Variants in NCKAP5 observed in about 807,000 individuals in gnomAD.
NCKAP5 encodes the protein nck-associated protein 5.
A neutral mutation model predicts 167.0 loss-of-function variants in NCKAP5; 92 were observed. The ratio of observed to expected loss-of-function variants is 0.55; its 90% CI spans 0.47 to 0.66. NCKAP5 has a LOEUF of 0.66. Ranked by LOEUF, NCKAP5 falls within the 30% of genes least tolerant of loss-of-function variation. The pLI, the probability that NCKAP5 is intolerant of heterozygous loss-of-function variation, is 0.00. For missense variants in NCKAP5, 2,378 were observed against 2,315.0 expected (o/e 1.03, Z -0.56); for synonymous variants, 891 against 877.4 (o/e 1.02, Z -0.27).
intron 2 of NCKAP5, among the ~76,000 whole-genome samples, chr2:133,530,838 G>C (rs985050112): frequency 2.6e-5 from 4 of 152,148 alleles, no homozygotes; most frequent in African/African-American, 9.7e-5. Context: ...GCCCACAAGA[G>C]GGTGACAGCC....
At chr2:132,971,005 T>A (rs1364465590) in intron 7 of NCKAP5, among the ~76,000 whole-genome samples, 1 of 152,226 alleles carries the variant, frequency 6.6e-6, no homozygotes, top group Non-Finnish European at 1.5e-5. Flanking sequence ...TTGTAATTCA[T>A]TAATCAAGCT....
At chr2:133,554,168 G>A (rs1687576417) in intron 2 of NCKAP5, 1 of 152,192 alleles carries the variant, frequency 6.6e-6, no homozygotes, top group Non-Finnish European at 1.5e-5. Flanking sequence ...GAGCTTGCCT[G>A]ATGAGGTCAG....
chr2:133,496,387 A>G (rs765963397), intron 3 of NCKAP5, among the ~76,000 whole-genome samples: 2 of 152,066 alleles, frequency 1.3e-5, no homozygotes, highest in Non-Finnish European at 2.9e-5. Context: ...CCTTCAGCTC[A>G]TGTTCATCTC....
intron 3 of NCKAP5, among the ~76,000 whole-genome samples, chr2:133,383,370 C>T (rs1042711661): frequency 6.6e-6 from 1 of 152,154 alleles, no homozygotes; most frequent in African/African-American, 2.4e-5. Flanking sequence ...CCAGCTTCAT[C>T]CATGTCCCTA....
At chr2:133,504,873 G>A (rs765464732) in intron 3 of NCKAP5, among the ~76,000 whole-genome samples, 13 of 151,972 alleles carry the variant, frequency 8.6e-5, no homozygotes, top group Non-Finnish European at 1.9e-4. Flanking sequence ...TCCCCCTATC[G>A]GAGCAAAGGC....
At chr2:133,219,489 C>T (rs573609966) in intron 4 of NCKAP5, among the ~76,000 whole-genome samples, 2 of 152,322 alleles carry the variant, frequency 1.3e-5, no homozygotes, top group Admixed American at 1.3e-4. Context: ...AGGGGCCTCC[C>T]ATGGAGTCAG....
At chr2:132,876,900 G>T in intron 9 of NCKAP5, among the ~76,000 whole-genome samples, 1 of 152,198 alleles carries the variant, frequency 6.6e-6, no homozygotes, top group Admixed American at 6.5e-5. Flanking sequence ...TTTCCATAAA[G>T]AAATGTGAGT....
chr2:133,594,451 T>C, the NCKAP5 span, among the ~76,000 whole-genome samples: 3 of 152,148 alleles, frequency 2.0e-5, no homozygotes, highest in African/African-American at 4.8e-5. Context: ...CATAACCTCC[T>C]GGAATCAGAC....
chr2:132,911,245 A>G (rs1406507178), intron 8 of NCKAP5: 2 of 161,784 alleles, frequency 1.2e-5, no homozygotes, highest in African/African-American at 2.4e-5. Flanking sequence ...CTGATAAAGC[A>G]CTTGTAACGC....
At chr2:133,335,755 A>C (rs1211173587) in intron 3 of NCKAP5, among the ~76,000 whole-genome samples, 1 of 152,166 alleles carries the variant, frequency 6.6e-6, no homozygotes, top group Non-Finnish European at 1.5e-5. Flanking sequence ...CCTGTTATGA[A>C]AATTATTGCC....
chr2:133,334,114 G>GA (rs1179324198), intron 3 of NCKAP5, among the ~76,000 whole-genome samples: 1 of 152,178 alleles, frequency 6.6e-6, no homozygotes, highest in African/African-American at 2.4e-5. Flanking sequence ...TATGTGTGTG[G>GA]ACACTGGAGC....
intron 19 of NCKAP5, among the ~76,000 whole-genome samples, chr2:132,700,312 G>A (rs181718356): frequency 1.4e-4 from 21 of 151,114 alleles, no homozygotes; most frequent in African/African-American, 2.2e-4. Flanking sequence ...TTGCTGTGCC[G>A]AAGCTCTTTA....
At position 133,370,531 on chromosome 2, in the gene NCKAP5, A is replaced by G. The variant is rs140788302; in HGVS notation, c.70-67421T>C. On this transcript the variant is annotated intron_variant, in intron 3 of 19. Transcript: ENST00000409261. ...GTTTTAATCTGGGTGATAAATTGCC[A>G]GATTCCATTATGCTTAATGAGTCTC... Among the ~76,000 whole-genome samples, 1,128 of 152,318 alleles carry G rather than the reference A, an allele frequency of 7.4e-3. 12 individuals carry two copies. The highest frequency in any genetic ancestry group is 0.023 in the African/African-American group (965 of 41,580).
chr2:132,757,048 C>A (rs903378497), intron 16 of NCKAP5, among the ~76,000 whole-genome samples: 2 of 152,162 alleles, frequency 1.3e-5, no homozygotes, highest in African/African-American at 2.4e-5. Flanking sequence ...GAAATTGATT[C>A]AATGCTCCTG....
At chr2:133,174,737 G>A (rs1254188294) in intron 5 of NCKAP5, among the ~76,000 whole-genome samples, 3 of 147,492 alleles carry the variant, frequency 2.0e-5, no homozygotes, top group Non-Finnish European at 3.0e-5. Context: ...TCCAGCTTTG[G>A]AATCAACCAT....
At chr2:133,572,193 G>A (rs970745877), upstream of NCKAP5, among the ~76,000 whole-genome samples, 1 of 152,198 alleles carries the variant, frequency 6.6e-6, no homozygotes, top group African/African-American at 2.4e-5. Flanking sequence ...CTCTGAGGAT[G>A]ATAAACATTG....
chr2:133,000,607 A>C (rs1371641168), intron 6 of NCKAP5, among the ~76,000 whole-genome samples: 1 of 152,196 alleles, frequency 6.6e-6, no homozygotes, highest in East Asian at 1.9e-4. Flanking sequence ...ATATAACCAA[A>C]CTAGTCGTTG....
chr2:133,462,563 C>G (rs539213679), intron 3 of NCKAP5, among the ~76,000 whole-genome samples: 9 of 152,184 alleles, frequency 5.9e-5, no homozygotes, highest in African/African-American at 2.2e-4. Context: ...ACAATCATGA[C>G]CATGATTTTA....
chr2:133,005,764 C>T (rs1023394988), intron 6 of NCKAP5, among the ~76,000 whole-genome samples: 1 of 152,126 alleles, frequency 6.6e-6, no homozygotes, highest in Non-Finnish European at 1.5e-5. Context: ...CCATATTTAT[C>T]TTTATTGGCC....
Sources: allele counts gnomAD v4.1 joint callset (sites outside exome capture counted in the v4.1 genomes callset), GRCh38; gene constraint gnomAD v4.1.1; transcripts MANE v1.5; gene names NCBI Gene and HGNC (gene_info 2026-07-23, HGNC 2026-07-21).